The following HCN1 variants were observed in gnomAD, a reference collection of about 807,000 sequenced individuals.
The protein encoded by HCN1 is potassium/sodium hyperpolarization-activated cyclic nucleotide-gated channel 1.
HCN1 carries 13 observed loss-of-function variants against 78.9 expected under a neutral mutation model. That is an observed-to-expected ratio of 0.16 (90% CI 0.11 to 0.26). The LOEUF (loss-of-function observed/expected upper bound fraction) is 0.26. Ranked by LOEUF, HCN1 falls within the 10% of genes least tolerant of loss-of-function variation. The probability of loss-of-function intolerance (pLI) is 1.00; values close to 1 mark genes in which losing one functional copy is unlikely to be tolerated. For missense variants in HCN1, 810 were observed against 1,154.3 expected, an observed-to-expected ratio of 0.70 and a Z score of 4.32; for synonymous variants, 552 against 455.5, an observed-to-expected ratio of 1.21 and a Z score of -2.70.
At chr5:45,516,542 A>G (rs1742520029) in intron 2 of HCN1, among the ~76,000 whole-genome samples, 1 of 151,978 alleles carries the variant, frequency 6.6e-6, no homozygotes, top group South Asian at 2.1e-4. Flanking sequence ...AATATGCCAT[A>G]ATTTGAATTT....
At chr5:45,372,037 T>TATATATAATATAATTATAC (rs1747385222) in intron 4 of HCN1, among the ~76,000 whole-genome samples, 2 of 53,032 alleles carry the variant, frequency 3.8e-5, no homozygotes, top group Non-Finnish European at 5.8e-5. Context: ...TATAATTATA[T>TATATATAATATAATTATAC]ATATATTATA....
intron 3 of HCN1, among the ~76,000 whole-genome samples, chr5:45,457,624 A>T (rs1741056214): frequency 6.6e-6 from 1 of 152,120 alleles, no homozygotes; most frequent in Admixed American, 6.6e-5. Flanking sequence ...ACAAAATACC[A>T]CAGACTGGGT....
intron 5 of HCN1, among the ~76,000 whole-genome samples, chr5:45,314,151 T>A (rs1258374557): frequency 6.6e-6 from 1 of 152,144 alleles, no homozygotes; most frequent in Non-Finnish European, 1.5e-5. Flanking sequence ...CCCACCAGAC[T>A]AACAGCGAAT....
chr5:45,438,883 T>A (rs578213519), intron 3 of HCN1, among the ~76,000 whole-genome samples: 1 of 152,268 alleles, frequency 6.6e-6, no homozygotes, highest in Non-Finnish European at 1.5e-5. Context: ...CAATAGTGAC[T>A]AATATGTTTC....
intron 2 of HCN1, among the ~76,000 whole-genome samples, chr5:45,610,542 A>G (rs1013922976): frequency 1.3e-5 from 2 of 149,518 alleles, no homozygotes; most frequent in Admixed American, 1.3e-4. Context: ...TATATTTTAA[A>G]TACATTGAAA....
intron 5 of HCN1, among the ~76,000 whole-genome samples, chr5:45,341,222 C>G (rs760877700): frequency 7.2e-5 from 11 of 152,174 alleles, no homozygotes; most frequent in Non-Finnish European, 1.3e-4. Context: ...CCCATAACAG[C>G]AGATCATCTG....
chr5:45,289,819 C>A (rs530706329), intron 6 of HCN1, among the ~76,000 whole-genome samples: 1 of 152,128 alleles, frequency 6.6e-6, no homozygotes, highest in Admixed American at 6.6e-5. Flanking sequence ...TCTGGAGCCT[C>A]AAAGTTCAAG....
rs142280884 is a variant in HCN1, at chr5:45,262,585, G to T, written c.2009C>A (p.Ala670Glu). The change falls in exon 8 of 8, where the codon GCG (alanine) becomes GAG (glutamate). Residue 670 changes from alanine (A) to glutamate (E), a missense_variant. Ala to Glu is a moderately radical substitution (Grantham distance 107). Coordinates refer to ENST00000303230, the MANE Select transcript of HCN1 (RefSeq NM_021072.4). ...MRTQSPPVYT[A>E]TSLSHSNLHS... ...CAGGTTGCTGTGAGACAGGCTGGTC[G>T]CTGTGTACACCGGTGGAGATTGTGT... 15 of 1,613,840 alleles carry T rather than the reference G, an allele frequency of 9.3e-6. No individual in the cohort carries two copies. The highest frequency in any genetic ancestry group is 1.3e-5 in the Non-Finnish European group (15 of 1,180,020).
At chr5:45,645,828 AT>A (rs1343895797) in intron 1 of HCN1, among the ~76,000 whole-genome samples, 3 of 152,096 alleles carry the variant, frequency 2.0e-5, no homozygotes, top group Non-Finnish European at 4.4e-5. Flanking sequence ...AATTCTAAAA[AT>A]TATGTGATAT....
At chr5:45,506,828 A>C (rs1742311751) in intron 2 of HCN1, among the ~76,000 whole-genome samples, 1 of 152,122 alleles carries the variant, frequency 6.6e-6, no homozygotes, top group African/African-American at 2.4e-5. Flanking sequence ...ATAAAAGCTC[A>C]CTGAGAATAG....
rs531612518 is a variant in HCN1 at position 45,665,647 on chromosome 5, G to T, written c.426-20039C>A. Among the ~76,000 whole-genome samples the T allele has an allele frequency of 2.6e-5, 4 of 152,006 alleles. No homozygotes were observed. The South Asian group carries it at 8.3e-4, about 31-fold the overall frequency. On this transcript the variant is annotated intron_variant, in intron 1 of 7. Coordinates refer to ENST00000303230, the MANE Select transcript of HCN1 (RefSeq NM_021072.4). Reference sequence around the variant, plus strand: ...AGACTCAAGAATGGATCTTATAAATGCATCAAAAATAGCAATTCTTAAAAT... The same window carrying T: ...AGACTCAAGAATGGATCTTATAAATTCATCAAAAATAGCAATTCTTAAAAT...
intron 4 of HCN1, among the ~76,000 whole-genome samples, chr5:45,377,369 C>T (rs1747704339): frequency 6.6e-6 from 1 of 151,894 alleles, no homozygotes; most frequent in Admixed American, 6.6e-5. Context: ...ATATTTTGTG[C>T]ATTTGTTAAA....
At chr5:45,308,076 A>G (rs1398868969) in intron 5 of HCN1, among the ~76,000 whole-genome samples, 1 of 152,088 alleles carries the variant, frequency 6.6e-6, no homozygotes, top group East Asian at 1.9e-4. Flanking sequence ...TCCTTGAGTT[A>G]ATGAGTGAGT....
chr5:45,613,656 C>T (rs888560966), intron 2 of HCN1, among the ~76,000 whole-genome samples: 21 of 152,128 alleles, frequency 1.4e-4, no homozygotes, highest in Non-Finnish European at 2.2e-4. Context: ...TATAAAGACA[C>T]ATGCACACGT....
At chr5:45,317,089 A>G (rs1279646985) in intron 5 of HCN1, among the ~76,000 whole-genome samples, 1 of 152,164 alleles carries the variant, frequency 6.6e-6, no homozygotes, top group Non-Finnish European at 1.5e-5. Flanking sequence ...ATGGGGCCAA[A>G]AAAGAGCCTG....
chr5:45,683,380 T>C (rs1157898478), intron 1 of HCN1, among the ~76,000 whole-genome samples: 1 of 152,168 alleles, frequency 6.6e-6, no homozygotes, highest in African/African-American at 2.4e-5. Flanking sequence ...AGCAGCCATC[T>C]TACTGAACTT....
At chr5:45,641,611 G>A (rs1211028314) in intron 2 of HCN1, 3 of 152,094 alleles carry the variant, frequency 2.0e-5, no homozygotes, top group Admixed American at 1.3e-4. Flanking sequence ...ATTATATAAT[G>A]ATGCATTTCC....
At chr5:45,399,961 ATACTT>A (rs1460157233) in intron 3 of HCN1, among the ~76,000 whole-genome samples, 6 of 152,196 alleles carry the variant, frequency 3.9e-5, no homozygotes, top group South Asian at 2.1e-4. Flanking sequence ...GAGCAAATTT[ATACTT>A]TACTTTATCA....
chr5:45,375,300 G>T (rs1747597031), intron 4 of HCN1, among the ~76,000 whole-genome samples: 1 of 99,182 alleles, frequency 1.0e-5, no homozygotes, highest in Non-Finnish European at 1.9e-5. Flanking sequence ...TATATTTCAT[G>T]ATATACAATA....
Sources: allele counts gnomAD v4.1 joint callset (sites outside exome capture counted in the v4.1 genomes callset), GRCh38; gene constraint gnomAD v4.1.1; transcripts MANE v1.5; gene names NCBI Gene and HGNC (gene_info 2026-07-23, HGNC 2026-07-21).